Variants in CCDC7 observed in about 807,000 individuals in gnomAD.
The protein encoded by CCDC7 is coiled-coil domain-containing protein 7.
In CCDC7, 183 loss-of-function variants were observed where a neutral mutation model predicts 196.9. That is an observed-to-expected ratio of 0.93 (90% CI 0.82 to 1.05). The LOEUF is 1.05. Among genes scored for constraint, CCDC7 ranks in the 50% least tolerant of loss-of-function variants. The pLI, the probability that CCDC7 is intolerant of heterozygous loss-of-function variation, is 0.00. For missense variants in CCDC7, 1,540 were observed against 1,482.2 expected, an observed-to-expected ratio of 1.04 and a Z score of -0.64; for synonymous variants, 525 against 484.6, an observed-to-expected ratio of 1.08 and a Z score of -1.10.
chr10:32,729,836 T>C (rs764234341), intron 28 of CCDC7, among the ~76,000 whole-genome samples: 33 of 152,192 alleles, frequency 2.2e-4, no homozygotes, highest in Non-Finnish European at 4.4e-4. Context: ...TTTTCCTTAA[T>C]AACTACTTTA....
intron 13 of CCDC7, among the ~76,000 whole-genome samples, chr10:32,559,883 T>A (rs562226112): frequency 8.5e-5 from 13 of 152,126 alleles, no homozygotes; most frequent in African/African-American, 3.1e-4. Context: ...TGAGCTACAG[T>A]AGGAAATTCA....
chr10:32,859,206 A>G (rs2136427698), intron 41 of CCDC7, among the ~76,000 whole-genome samples: 1 of 152,360 alleles, frequency 6.6e-6, no homozygotes, highest in African/African-American at 2.4e-5. Flanking sequence ...AAGGGAAATC[A>G]TAACAAATAG....
At chr10:32,657,333 C>T (rs772015911) in intron 20 of CCDC7, among the ~76,000 whole-genome samples, 69 of 152,242 alleles carry the variant, frequency 4.5e-4, no homozygotes, top group Admixed American at 9.2e-4. Context: ...AGAGGTTCTC[C>T]GTGAATGCTC....
chr10:32,859,974 TACCAGA>T (rs1170963050), intron 41 of CCDC7, among the ~76,000 whole-genome samples: 13 of 152,226 alleles, frequency 8.5e-5, no homozygotes, highest in African/African-American at 2.9e-4. Context: ...AGCCAAATTC[TACCAGA>T]GGTACGAAGA....
At chr10:32,792,480 T>G (rs1384047297) in intron 29 of CCDC7, among the ~76,000 whole-genome samples, 1 of 152,192 alleles carries the variant, frequency 6.6e-6, no homozygotes, top group African/African-American at 2.4e-5. Context: ...AAAATAAAGT[T>G]GTTATCAGCT....
At chr10:32,482,724 C>T (rs1456133559) in intron 8 of CCDC7, among the ~76,000 whole-genome samples, 1 of 152,058 alleles carries the variant, frequency 6.6e-6, no homozygotes, top group African/African-American at 2.4e-5. Context: ...GTTCAGTTCC[C>T]ACCTATGAGT....
rs1234243853 is a variant in CCDC7, at chr10:32,700,217, G to C, written c.2458+5225G>C. On this transcript the variant is annotated intron_variant, in intron 24 of 41. Transcript: ENST00000639629. ...AACATTTAAGTCTTTAATCGATCTT[G>C]AATTAATTTTTGTATAAGGTGTAAG... Among the ~76,000 whole-genome samples, 4 of 149,406 alleles carry C rather than the reference G, an allele frequency of 2.7e-5. 1 individual carries two copies. The highest frequency in any genetic ancestry group is 1.0e-4 in the African/African-American group (4 of 38,788).
At position 32,855,359 on chromosome 10, in the gene CCDC7, A is replaced by G. The variant is rs553934135; in HGVS notation, c.4111+870A>G. 2.6e-3 allele frequency among the ~76,000 whole-genome samples: 398 copies of G among 152,302 alleles called. 2 individuals carry two copies. The highest frequency in any genetic ancestry group is 3.7e-3 in the Admixed American group (57 of 15,278). On this transcript the variant is annotated intron_variant, in intron 41 of 41. Coordinates refer to ENST00000639629, the Ensembl canonical transcript of CCDC7. Reference sequence around the variant, plus strand: ...AGGCGCATTACATTTATTGTGCACTATATTTCTATTATTATTACACTGTAA... The same window carrying G: ...AGGCGCATTACATTTATTGTGCACTGTATTTCTATTATTATTACACTGTAA...
chr10:32,774,565 A>G (rs75702655), intron 28 of CCDC7, among the ~76,000 whole-genome samples: 1 of 152,278 alleles, frequency 6.6e-6, no homozygotes, highest in African/African-American at 2.4e-5. Flanking sequence ...CTGTGTGTCC[A>G]GGAAGTTTCT....
intron 8 of CCDC7, among the ~76,000 whole-genome samples, chr10:32,484,631 G>T (rs1023357210): frequency 1.3e-5 from 2 of 152,110 alleles, no homozygotes; most frequent in East Asian, 1.9e-4. Context: ...TTGGCCGTGG[G>T]TTTGTCATAA....
At position 32,471,231 on chromosome 10, in the gene CCDC7, G is replaced by C; in HGVS notation, c.677+1G>C. 1 of 1,603,466 alleles carries C rather than the reference G, an allele frequency of 6.2e-7. No homozygotes were observed. Among genetic ancestry groups the C allele is most frequent in the Non-Finnish European group, 8.5e-7 (1 of 1,176,876 alleles). ...TGAAAGTCATGTTGTCTAAAACTAT[G>C]TAAGTGAAATATAAGAACTAATTGA... On this transcript the variant is annotated splice_donor_variant, in intron 6 of 41. Transcript: ENST00000639629. LOFTEE classifies it high-confidence loss of function.
intron 8 of CCDC7, among the ~76,000 whole-genome samples, chr10:32,476,521 C>G (rs910404079): frequency 2.6e-5 from 4 of 152,158 alleles, no homozygotes; most frequent in Non-Finnish European, 5.9e-5. Context: ...ACTATCAACA[C>G]TTTTGTTCAG....
At chr10:32,510,323 G>C (rs1016475565) in intron 9 of CCDC7, among the ~76,000 whole-genome samples, 2 of 152,144 alleles carry the variant, frequency 1.3e-5, no homozygotes, top group African/African-American at 4.8e-5. Flanking sequence ...CAAAGTTTCA[G>C]TTTTCCAAGA....
intron 21 of CCDC7, among the ~76,000 whole-genome samples, chr10:32,674,764 T>C (rs893738083): frequency 6.6e-6 from 1 of 152,130 alleles, no homozygotes; most frequent in Non-Finnish European, 1.5e-5. Context: ...TTATCATTGT[T>C]ATATACATAT....
chr10:32,642,999 T>C (rs1311723082), intron 20 of CCDC7, among the ~76,000 whole-genome samples: 3 of 152,242 alleles, frequency 2.0e-5, no homozygotes, highest in South Asian at 2.1e-4. Context: ...TTTATGGATG[T>C]GTATCACGTT....
intron 41 of CCDC7, among the ~76,000 whole-genome samples, chr10:32,863,107 A>G (rs186391399): frequency 9.3e-4 from 142 of 152,190 alleles, no homozygotes; most frequent in African/African-American, 3.2e-3. Context: ...CAAAATACCA[A>G]TCAAAATTCC....
chr10:32,558,307 C>T (rs553172723), intron 13 of CCDC7, among the ~76,000 whole-genome samples: 88 of 152,008 alleles, frequency 5.8e-4, no homozygotes, highest in Middle Eastern at 3.4e-3. Context: ...TAACACTATT[C>T]GATTTAAAAT....
intron 9 of CCDC7, among the ~76,000 whole-genome samples, chr10:32,493,982 A>G (rs1380071631): frequency 1.3e-5 from 2 of 152,090 alleles, no homozygotes; most frequent in African/African-American, 4.8e-5. Flanking sequence ...CTCCCATTCC[A>G]TAGTTTGTAT....
intron 28 of CCDC7, among the ~76,000 whole-genome samples, chr10:32,742,770 T>C: frequency 6.6e-6 from 1 of 152,206 alleles, no homozygotes; most frequent in Non-Finnish European, 1.5e-5. Context: ...TGTACCTTCA[T>C]GTAGTCTTTC....
Sources: gnomAD v4.1 joint callset for allele counts (sites outside exome capture counted in the v4.1 genomes callset) on GRCh38, gnomAD v4.1.1 for gene constraint, MANE v1.5 for transcripts, NCBI Gene and HGNC (gene_info 2026-07-23, HGNC 2026-07-21) for gene names.